TK1: variants seen among roughly 807,000 people sequenced by gnomAD.
TK1 encodes the protein thymidine kinase, cytosolic.
TK1 carries 13 observed loss-of-function variants against 22.4 expected under a neutral mutation model. The ratio of observed to expected loss-of-function variants is 0.58; its 90% CI spans 0.38 to 0.92. The LOEUF is 0.92. Among genes scored for constraint, TK1 ranks in the 40% least tolerant of loss-of-function variants. TK1 has a pLI of 0.00. For missense variants in TK1, 251 were observed against 315.7 expected (o/e 0.80, Z 1.55); for synonymous variants, 134 against 125.4 (o/e 1.07, Z -0.46).
chr17:78,186,924 C>A lies in TK1; in HGVS notation c.66+5G>T, dbSNP rs1555603234. 1.3e-6 allele frequency: 2 copies of A among 1,568,268 alleles called. No individual in the cohort carries two copies. The highest frequency in any genetic ancestry group is 1.7e-6 in the Non-Finnish European group (2 of 1,156,980). Reference sequence around the variant, plus strand: ...CCCAGCCACGCGCAGGGCTGGCCCCCGCACCTGGATCTGCCCCCGGGTCTT... The same window carrying A: ...CCCAGCCACGCGCAGGGCTGGCCCCAGCACCTGGATCTGCCCCCGGGTCTT... On this transcript the variant is annotated splice_donor_5th_base_variant and intron_variant, in intron 1 of 6. Transcript: ENST00000301634.
chr17:78,186,716 A>T, intron 2 of TK1, 71 bp downstream of exon 2: 2 of 1,080,658 alleles, frequency 1.9e-6, no homozygotes, highest in South Asian at 1.5e-5. Context: ...AGGGAAGGGG[A>T]GGGGAGGGAC....
Position 78,175,718 on chromosome 17 carries a change from A to G in TK1, c.304-100T>C, listed in dbSNP as rs187375125. 917 of 1,070,768 alleles carry G rather than the reference A, an allele frequency of 8.6e-4. 5 individuals are homozygous for G. The African/African-American group carries it at 9.1e-3, about 11-fold the overall frequency. 66.3% of individuals were successfully genotyped at this position (1,070,768 alleles called of 1,614,324 possible). A position where few individuals can be genotyped will look rare whatever the true frequency, so the allele number is the denominator to read the frequency against. On this transcript the variant is annotated intron_variant, in intron 4 of 6. Transcript: ENST00000301634. ...GCTGCCAGATCTGACAACTCCGGCC[A>G]TTTGGCCCGGAGTAACTCTTAATTC...
At chr17:78,184,713 G>C (rs1181652268) in intron 3 of TK1, among the ~76,000 whole-genome samples, 1 of 152,076 alleles carries the variant, frequency 6.6e-6, no homozygotes, top group African/African-American at 2.4e-5. Context: ...TTCTTGCATG[G>C]GGGCCGTCCT....
intron 4 of TK1, among the ~76,000 whole-genome samples, chr17:78,181,296 C>T (rs1031645549): frequency 6.6e-6 from 1 of 152,058 alleles, no homozygotes; most frequent in East Asian, 1.9e-4. Flanking sequence ...GCCTGTAATT[C>T]CAACACTTTG....
intron 2 of TK1, 82 bp downstream of exon 2, chr17:78,186,705 G>GAGGGA (rs1402396039): frequency 1.1e-6 from 1 of 878,458 alleles, no homozygotes. Flanking sequence ...GAGGGGAGGG[G>GAGGGA]AGGGAAGGGG....
intron 2 of TK1, 110 bp from the exon 3 acceptor site, chr17:78,185,275 G>T: frequency 1.4e-6 from 1 of 732,810 alleles, no homozygotes. Context: ...TGCAGACTGA[G>T]CCCACCACAG....
In TK1 at chr17:78,174,593, A is replaced by T; in HGVS notation, c.*166T>A. On this transcript the variant is annotated 3_prime_UTR_variant, in exon 7 of 7. Coordinates refer to ENST00000301634, the MANE Select transcript of TK1 (RefSeq NM_003258.5). ...CAGACCAGTGGGTAGGAGAGGAGGG[A>T]GCATGCGGCAGGTGGGGCAGCCACA... is the stretch of plus-strand genomic sequence containing the variant. 1.4e-6 allele frequency: 1 copy of T among 720,308 alleles called. No homozygotes were observed. The highest frequency in any genetic ancestry group is 1.9e-5 in the South Asian group (1 of 52,770). 44.6% of individuals were successfully genotyped at this position (720,308 alleles called of 1,614,324 possible). A position where few individuals can be genotyped will look rare whatever the true frequency, so the allele number is the denominator to read the frequency against.
intron 2 of TK1, 126 bp downstream of exon 2, chr17:78,186,660 AG>A: frequency 1.2e-6 from 1 of 814,300 alleles, no homozygotes; most frequent in Non-Finnish European, 1.8e-6. Context: ...TGGTCCTTCT[AG>A]GGGAAGGGAA....
rs2145820274 is a variant in TK1, at chr17:78,174,633, C to T, written c.*126G>A. 2 of 1,129,248 alleles carry T rather than the reference C, an allele frequency of 1.8e-6. No homozygotes were observed. The highest frequency in any genetic ancestry group is 2.6e-5 in the East Asian group (1 of 38,294). The allele number at this position is 1,129,248 out of a possible 1,614,324, so 70.0% of individuals were successfully genotyped here. Reference sequence around the variant, plus strand: ...GGGCAGCCACACAAAGGAGAGTTCCCAGAAGGCCAAGGTGTGGTCACCCTC... The same window carrying T: ...GGGCAGCCACACAAAGGAGAGTTCCTAGAAGGCCAAGGTGTGGTCACCCTC... On this transcript the variant is annotated 3_prime_UTR_variant, in exon 7 of 7. Transcript: ENST00000301634.
chr17:78,185,795 G>A (rs985720742), intron 2 of TK1, among the ~76,000 whole-genome samples: 20 of 152,174 alleles, frequency 1.3e-4, no homozygotes, highest in South Asian at 6.2e-4. Flanking sequence ...CTTCCAAAGC[G>A]CTGGGATTAA....
At chr17:78,176,883 T>C (rs2075704255) in intron 4 of TK1, among the ~76,000 whole-genome samples, 2 of 151,998 alleles carry the variant, frequency 1.3e-5, no homozygotes, top group Non-Finnish European at 2.9e-5. Flanking sequence ...AAATTGTTTC[T>C]AGTTGTTGTG....
Position 78,186,680 on chromosome 17 carries a change from A to AAGGGAAGGGG in TK1, c.98+97_98+106dup, listed in dbSNP as rs2075799767. 9.4e-5 allele frequency: 65 copies of AAGGGAAGGGG among 693,352 alleles called. 1 individual carries two copies. The highest frequency in any genetic ancestry group is 6.7e-4 in the African/African-American group (19 of 28,306). 42.9% of individuals were successfully genotyped at this position (693,352 alleles called of 1,614,324 possible). Reference sequence around the variant, plus strand: ...CTTCTAGGGGAAGGGAAGGGGAGGGAAGGGAAGGGGAGGGGAGGGGAGGGG... The same window carrying AAGGGAAGGGG: ...CTTCTAGGGGAAGGGAAGGGGAGGGAAGGGAAGGGGAGGGAAGGGGAGGGGAGGGGAGGGG... On this transcript the variant is annotated intron_variant, in intron 2 of 6. Coordinates refer to ENST00000301634, the MANE Select transcript of TK1 (RefSeq NM_003258.5).
upstream of TK1, chr17:78,187,180 C>A: frequency 1.1e-6 from 1 of 884,420 alleles, no homozygotes; most frequent in East Asian, 2.6e-5. Context: ...CCCGCCCCCT[C>A]GTGGGAGGAA....
At chr17:78,180,779 C>G (rs372714656) in intron 4 of TK1, among the ~76,000 whole-genome samples, 1 of 152,178 alleles carries the variant, frequency 6.6e-6, no homozygotes, top group Non-Finnish European at 1.5e-5. Flanking sequence ...GGCTTCATTC[C>G]TTCCCCAGAA....
chr17:78,177,154 A>C (rs1302785614), intron 4 of TK1, among the ~76,000 whole-genome samples: 1 of 152,096 alleles, frequency 6.6e-6, no homozygotes, highest in Non-Finnish European at 1.5e-5. Flanking sequence ...CAGCCTCCCA[A>C]AGTGCTGGGA....
chr17:78,174,683 G>T lies in TK1; in HGVS notation c.*76C>A. 2 of 1,466,026 alleles carry T rather than the reference G, an allele frequency of 1.4e-6. No homozygotes were observed. Among genetic ancestry groups the T allele is most frequent in the Non-Finnish European group, 1.8e-6 (2 of 1,101,342 alleles). The allele number at this position is 1,466,026 out of a possible 1,614,324, so 90.8% of individuals were successfully genotyped here. A position where few individuals can be genotyped will look rare whatever the true frequency, so the allele number is the denominator to read the frequency against. On this transcript the variant is annotated 3_prime_UTR_variant, in exon 7 of 7. Coordinates refer to ENST00000301634, the MANE Select transcript of TK1 (RefSeq NM_003258.5). Reference sequence around the variant, plus strand: ...CCACGCCTCCCGACTTCCTCCTGGAGTGGCTGGGCAGCATGCAGGGCAGCG... The same window carrying T: ...CCACGCCTCCCGACTTCCTCCTGGATTGGCTGGGCAGCATGCAGGGCAGCG...
Position 78,174,604 on chromosome 17 carries a change from G to T in TK1, c.*155C>A. The T allele has an allele frequency of 1.2e-6, 1 of 802,762 alleles. No homozygotes were observed. The highest frequency in any genetic ancestry group is 1.9e-6 in the Non-Finnish European group (1 of 522,370). The allele number at this position is 802,762 out of a possible 1,614,324, so 49.7% of individuals were successfully genotyped here. ...GTAGGAGAGGAGGGAGCATGCGGCA[G>T]GTGGGGCAGCCACACAAAGGAGAGT... is the stretch of plus-strand genomic sequence containing the variant. On this transcript the variant is annotated 3_prime_UTR_variant, in exon 7 of 7. Coordinates refer to ENST00000301634, the MANE Select transcript of TK1 (RefSeq NM_003258.5).
intron 4 of TK1, among the ~76,000 whole-genome samples, chr17:78,181,432 G>A: frequency 6.6e-6 from 1 of 151,696 alleles, no homozygotes. Context: ...CCACCTACTT[G>A]GGAGGCGAGG....
intron 4 of TK1, among the ~76,000 whole-genome samples, chr17:78,176,092 T>G (rs1444349641): frequency 1.3e-5 from 2 of 152,200 alleles, no homozygotes; most frequent in Non-Finnish European, 2.9e-5. Flanking sequence ...CTTCGGTGAA[T>G]AGGTGGGCGC....
Sources: gnomAD v4.1 joint callset for allele counts (sites outside exome capture counted in the v4.1 genomes callset) on GRCh38, gnomAD v4.1.1 for gene constraint, MANE v1.5 for transcripts, NCBI Gene and HGNC (gene_info 2026-07-23, HGNC 2026-07-21) for gene names.